The following USH2A variants were observed in gnomAD, a reference collection of about 807,000 sequenced individuals.
The protein encoded by USH2A is usherin.
USH2A carries 443 observed loss-of-function variants against 538.9 expected under a neutral mutation model. The observed-to-expected ratio is 0.82, with a 90% CI of 0.76 to 0.89. The LOEUF (loss-of-function observed/expected upper bound fraction) is 0.89, where lower values mean the gene tolerates loss of function less well. Ranked by LOEUF, USH2A falls within the 40% of genes least tolerant of loss-of-function variation. The pLI is 0.00. For synonymous variants in USH2A, 2,413 were observed against 2,273.5 expected, an observed-to-expected ratio of 1.06 and a Z score of -1.75; for missense variants, 6,633 against 6,324.8, an observed-to-expected ratio of 1.05 and a Z score of -1.65.
chr1:215,746,948 T>C (rs1660489599), intron 58 of USH2A, among the ~76,000 whole-genome samples: 1 of 152,120 alleles, frequency 6.6e-6, no homozygotes, highest in South Asian at 2.1e-4. Context: ...TCACAAAAAT[T>C]GGGTGTGAAT....
chr1:216,004,217 A>G (rs977805618), intron 32 of USH2A, among the ~76,000 whole-genome samples: 2 of 152,204 alleles, frequency 1.3e-5, no homozygotes, highest in African/African-American at 4.8e-5. Context: ...TTACAGGAAG[A>G]GTTCATGGCT....
chr1:216,243,897 G>A (rs566771445), intron 13 of USH2A, among the ~76,000 whole-genome samples: 56 of 152,158 alleles, frequency 3.7e-4, no homozygotes, highest in Middle Eastern at 3.4e-3. Flanking sequence ...GCATAATTAT[G>A]GGGTAATTAC....
At chr1:216,148,427 C>G (rs151208832) in intron 21 of USH2A, among the ~76,000 whole-genome samples, 1,637 of 152,076 alleles carry the variant, frequency 0.011, 31 homozygotes, top group African/African-American at 0.038. Flanking sequence ...TCTATCCCCC[C>G]ACCTTAACTC....
chr1:216,331,487 C>T (rs1382169602), intron 4 of USH2A, among the ~76,000 whole-genome samples: 1 of 151,888 alleles, frequency 6.6e-6, no homozygotes, highest in Non-Finnish European at 1.5e-5. Flanking sequence ...ACTAAGTAAT[C>T]CAACATATAA....
intron 63 of USH2A, among the ~76,000 whole-genome samples, 199 bp downstream of exon 63, chr1:215,673,901 A>G (rs182618785): frequency 6.6e-6 from 1 of 152,232 alleles, no homozygotes; most frequent in Non-Finnish European, 1.5e-5. Flanking sequence ...ACCTGAAAGA[A>G]TTCTGCTCTC....
intron 58 of USH2A, among the ~76,000 whole-genome samples, chr1:215,754,309 A>G (rs1359202621): frequency 6.6e-6 from 1 of 152,174 alleles, no homozygotes; most frequent in Non-Finnish European, 1.5e-5. Context: ...TATTGTCACT[A>G]TTCCCTAGAC....
intron 30 of USH2A, among the ~76,000 whole-genome samples, chr1:216,069,099 G>A (rs776075883): frequency 1.3e-5 from 2 of 152,148 alleles, no homozygotes; most frequent in Non-Finnish European, 2.9e-5. Context: ...TCATCTGAAA[G>A]TGGGGTTGAG....
At chr1:215,782,350 T>C (rs901412778) in intron 53 of USH2A, among the ~76,000 whole-genome samples, 154 bp from the exon 54 acceptor site, 2 of 152,040 alleles carry the variant, frequency 1.3e-5, no homozygotes, top group East Asian at 3.9e-4. Context: ...CAGTTCCTAA[T>C]TATACTATTA....
At chr1:215,861,854 T>TG (rs1558132375) in intron 44 of USH2A, among the ~76,000 whole-genome samples, 20 of 145,946 alleles carry the variant, frequency 1.4e-4, no homozygotes, top group East Asian at 8.4e-4. Context: ...TTTTTTTTTT[T>TG]TTTTGAGACA....
intron 60 of USH2A, among the ~76,000 whole-genome samples, chr1:215,728,924 C>T (rs1659911201): frequency 6.6e-6 from 1 of 152,024 alleles, no homozygotes; most frequent in African/African-American, 2.4e-5. Context: ...CAACTGGAAC[C>T]ACAGGATATG....
chr1:216,252,648 C>T (rs1219238897), intron 11 of USH2A, among the ~76,000 whole-genome samples: 1 of 152,024 alleles, frequency 6.6e-6, no homozygotes, highest in Non-Finnish European at 1.5e-5. Context: ...TATATGCAAA[C>T]CAAATGTAGT....
chr1:215,985,894 T>C (rs1667861809), intron 35 of USH2A, among the ~76,000 whole-genome samples: 1 of 152,174 alleles, frequency 6.6e-6, no homozygotes, highest in African/African-American at 2.4e-5. Flanking sequence ...GTCTTCAAGG[T>C]ACTACGTGTA....
chr1:215,810,346 A>G (rs1370914308), intron 49 of USH2A, among the ~76,000 whole-genome samples: 2 of 152,126 alleles, frequency 1.3e-5, no homozygotes, highest in African/African-American at 4.8e-5. Context: ...TTATTTTGAA[A>G]CCTAACAAAA....
At chr1:215,996,036 G>A (rs936279811) in intron 34 of USH2A, among the ~76,000 whole-genome samples, 5 of 152,166 alleles carry the variant, frequency 3.3e-5, no homozygotes, top group Admixed American at 6.5e-5. Flanking sequence ...TCAGCCTCCC[G>A]AGTAGCTGGG....
intron 37 of USH2A, among the ~76,000 whole-genome samples, chr1:215,951,958 G>A (rs903762993): frequency 2.0e-5 from 3 of 151,288 alleles, no homozygotes; most frequent in African/African-American, 7.3e-5. Flanking sequence ...TCCGCTTCCC[G>A]GGTTCACGCC....
At chr1:215,634,762 C>T in intron 69 of USH2A, 59 bp from the exon 70 acceptor site, 1 of 1,613,398 alleles carries the variant, frequency 6.2e-7, no homozygotes, top group Non-Finnish European at 8.5e-7. Flanking sequence ...TTTGTCATCT[C>T]TGGCCCTGCT....
intron 30 of USH2A, among the ~76,000 whole-genome samples, chr1:216,067,264 G>A (rs115973744): frequency 0.055 from 8,312 of 152,168 alleles, 317 homozygotes; most frequent in Middle Eastern, 0.11. Context: ...CCTGTCGAGC[G>A]GTGGAGGGTG....
chr1:215,820,491 A>T (rs943269659), intron 47 of USH2A, among the ~76,000 whole-genome samples: 1 of 151,732 alleles, frequency 6.6e-6, no homozygotes, highest in Non-Finnish European at 1.5e-5. Context: ...TTCAGGGTCC[A>T]TGTGAGAATT....
At chr1:215,822,204 A>G (rs997464668) in intron 47 of USH2A, among the ~76,000 whole-genome samples, 1 of 151,910 alleles carries the variant, frequency 6.6e-6, no homozygotes, top group African/African-American at 2.4e-5. Context: ...TCTGTAAATT[A>G]CTTTGGGTAA....
Sources: allele counts gnomAD v4.1 joint callset (sites outside exome capture counted in the v4.1 genomes callset), GRCh38; gene constraint gnomAD v4.1.1; transcripts MANE v1.5; gene names NCBI Gene and HGNC (gene_info 2026-07-23, HGNC 2026-07-21).